The following TUBGCP4 variants were observed in gnomAD, a reference collection of about 807,000 sequenced individuals.
TUBGCP4 encodes tubulin gamma complex component 4.
TUBGCP4 carries 54 observed loss-of-function variants against 91.6 expected under a neutral mutation model. The ratio of observed to expected loss-of-function variants is 0.59; its 90% CI spans 0.47 to 0.74. The LOEUF (loss-of-function observed/expected upper bound fraction) is 0.74, where lower values mean the gene tolerates loss of function less well. Among genes scored for constraint, TUBGCP4 ranks in the 30% least tolerant of loss-of-function variants. The pLI is 0.00. For missense variants in TUBGCP4, 593 were observed against 800.9 expected (o/e 0.74, Z 3.13); for synonymous variants, 297 against 302.8 (o/e 0.98, Z 0.20).
At position 43,403,775 on chromosome 15, in the gene TUBGCP4, C is replaced by T. The variant is rs748313933; in HGVS notation, c.1824C>T (p.Ala608=). ...TAGGCCCACTGGATGAGCGTGGAGC[C>T]GCCCAGCTGAGCATTCTCGTGAAGG... ...QNLGPLDERG[A]AQLSILVKGF... is the part of the protein sequence containing the mutation. The change falls in exon 16 of 18, where the codon GCC becomes GCT. Residue 608 remains alanine (A), a synonymous_variant. Coordinates refer to ENST00000564079, the MANE Select transcript of TUBGCP4 (RefSeq NM_014444.5). 44 of 1,613,832 alleles carry T rather than the reference C, an allele frequency of 2.7e-5. No individual in the cohort carries two copies. In the East Asian group the frequency reaches 3.1e-4, roughly 11 times the overall value.
chr15:43,399,051 T>A, intron 13 of TUBGCP4: 2 of 880,770 alleles, frequency 2.3e-6, no homozygotes, highest in South Asian at 3.2e-5. Flanking sequence ...TCTTTATGTT[T>A]GGGTTTGTTC....
At chr15:43,398,537 G>T (rs1189782902) in intron 13 of TUBGCP4, among the ~76,000 whole-genome samples, 1 of 152,212 alleles carries the variant, frequency 6.6e-6, no homozygotes, top group Non-Finnish European at 1.5e-5. Context: ...GTTGGAATCA[G>T]TGGGAGGGCA....
At chr15:43,393,208 A>G (rs1462540293) in intron 9 of TUBGCP4, among the ~76,000 whole-genome samples, 3 of 142,772 alleles carry the variant, frequency 2.1e-5, no homozygotes, top group Non-Finnish European at 4.4e-5. Flanking sequence ...TGGCTTCCCA[A>G]TGTCTTTTTT....
rs752664194 is a variant in TUBGCP4 at position 43,403,715 on chromosome 15, C to G, written c.1764C>G (p.Leu588=). The G allele has an allele frequency of 8.1e-6, 13 of 1,613,170 alleles. No individual in the cohort carries two copies. In the South Asian group the frequency reaches 1.4e-4, roughly 18 times the overall value. Residue 588 remains leucine (L), a synonymous_variant, in exon 16 of 18, where the codon CTC becomes CTG. Coordinates refer to ENST00000564079, the MANE Select transcript of TUBGCP4 (RefSeq NM_014444.5). The stretch of plus-strand genomic sequence containing the variant: ...ACTGCCTGAATGAAATCCTAGATCT[C>G]TGTCACAGTTTTTGTTCGCTGGTCA... ...VFHCLNEILD[L]CHSFCSLVSQ...
chr15:43,402,008 C>T, intron 15 of TUBGCP4, 158 bp downstream of exon 15: 1 of 932,374 alleles, frequency 1.1e-6, no homozygotes, highest in Non-Finnish European at 1.5e-6. Context: ...CATGGTGGCT[C>T]ATGCCTGTAA....
At chr15:43,387,340 A>T (rs7173990) in intron 9 of TUBGCP4, among the ~76,000 whole-genome samples, 1 of 152,220 alleles carries the variant, frequency 6.6e-6, no homozygotes, top group African/African-American at 2.4e-5. Flanking sequence ...TCTGTGGCTT[A>T]TATTAACATT....
At chr15:43,371,731 A>G (rs985631434) in intron 1 of TUBGCP4, among the ~76,000 whole-genome samples, 1 of 152,116 alleles carries the variant, frequency 6.6e-6, no homozygotes, top group East Asian at 1.9e-4. Flanking sequence ...GAAGTGTGGG[A>G]GGCACTTTCT....
chr15:43,390,452 A>G (rs1173401637), intron 9 of TUBGCP4, among the ~76,000 whole-genome samples: 1 of 150,192 alleles, frequency 6.7e-6, no homozygotes, highest in Non-Finnish European at 1.5e-5. Context: ...ATTTCTTTTT[A>G]TTGTTTAGTC....
At position 43,374,449 on chromosome 15, in the gene TUBGCP4, A is replaced by G. The variant is rs143304517; in HGVS notation, c.79-1649A>G. ...CAGAGCAAGACTCCATCTCTACAAA[A>G]AAAAAATTTTTAATTAGCTGGGCAT... On this transcript the variant is annotated intron_variant, in intron 1 of 17. Transcript: ENST00000564079. Among the ~76,000 whole-genome samples the G allele has an allele frequency of 3.2e-3, 494 of 152,202 alleles. 2 individuals are homozygous for G. Among genetic ancestry groups the G allele is most frequent in the Non-Finnish European group, 5.7e-3 (389 of 68,000 alleles).
intron 13 of TUBGCP4, among the ~76,000 whole-genome samples, chr15:43,399,562 T>A (rs2044633526): frequency 6.6e-6 from 1 of 152,206 alleles, no homozygotes; most frequent in Non-Finnish European, 1.5e-5. Context: ...CTCAGGCTGG[T>A]CTTGAACCCC....
chr15:43,390,687 T>G (rs898031135), intron 9 of TUBGCP4, among the ~76,000 whole-genome samples: 1 of 152,044 alleles, frequency 6.6e-6, no homozygotes, highest in African/African-American at 2.4e-5. Context: ...TTTTGTATTT[T>G]TAGTACAGAT....
In TUBGCP4 at chr15:43,395,035, G is replaced by C. The variant is rs2044557893; in HGVS notation, c.1015-72G>C. On this transcript the variant is annotated intron_variant, in intron 9 of 17. Coordinates refer to ENST00000564079, the MANE Select transcript of TUBGCP4 (RefSeq NM_014444.5). ...CTTCTTTTAATACATTGCTGGATTTGTATGGAACCATTCTTTGCAGGAGTT... is the reference window on the plus strand; with the variant it reads ...CTTCTTTTAATACATTGCTGGATTTCTATGGAACCATTCTTTGCAGGAGTT... The C allele has an allele frequency of 5.9e-6, 9 of 1,527,654 alleles. No individual in the cohort carries two copies. The Admixed American group carries it at 1.0e-4, about 17-fold the overall frequency. 94.6% of individuals were successfully genotyped at this position (1,527,654 alleles called of 1,614,324 possible).
chr15:43,381,754 A>G (rs2044288448), intron 6 of TUBGCP4, among the ~76,000 whole-genome samples: 1 of 152,176 alleles, frequency 6.6e-6, no homozygotes. Flanking sequence ...AAAAAAAACC[A>G]ACCAAACGCT....
At position 43,408,022 on chromosome 15, in the gene TUBGCP4, G is replaced by A. The variant is rs760986233; in HGVS notation, c.*2808G>A. The A allele has an allele frequency of 4.5e-5, 72 of 1,613,984 alleles. 2 individuals are homozygous for A. The Admixed American group carries it at 8.7e-4, about 19-fold the overall frequency. On this transcript the variant is annotated 3_prime_UTR_variant, in exon 18 of 18. Transcript: ENST00000564079. ...TGAGGATCTCAGACCAGAGCTCCAGGAAGTTCTGCTGTTGGTCTGATACCA... is the reference window on the plus strand; with the variant it reads ...TGAGGATCTCAGACCAGAGCTCCAGAAAGTTCTGCTGTTGGTCTGATACCA...
chr15:43,374,489 G>C (rs977702904), intron 1 of TUBGCP4, among the ~76,000 whole-genome samples: 2 of 152,110 alleles, frequency 1.3e-5, no homozygotes, highest in Non-Finnish European at 2.9e-5. Context: ...ACACATGCCT[G>C]TAGTCCTAGC....
At chr15:43,389,933 C>T (rs1324881038) in intron 9 of TUBGCP4, among the ~76,000 whole-genome samples, 1 of 151,666 alleles carries the variant, frequency 6.6e-6, no homozygotes. Flanking sequence ...TAAAGTAAAT[C>T]ACCCCTTTAT....
At chr15:43,374,456 T>G (rs560260729) in intron 1 of TUBGCP4, among the ~76,000 whole-genome samples, 1 of 151,614 alleles carries the variant, frequency 6.6e-6, no homozygotes, top group Non-Finnish European at 1.5e-5. Flanking sequence ...AAAAAAAAAA[T>G]TTTTAATTAG....
At chr15:43,400,301 A>T in intron 14 of TUBGCP4, 80 bp downstream of exon 14, 1 of 1,137,436 alleles carries the variant, frequency 8.8e-7, no homozygotes, top group Non-Finnish European at 1.2e-6. Context: ...AATAGGGACT[A>T]CAAGTTTCTA....
intron 9 of TUBGCP4, among the ~76,000 whole-genome samples, chr15:43,393,701 G>T (rs1566898179): frequency 6.6e-6 from 1 of 151,994 alleles, no homozygotes; most frequent in Non-Finnish European, 1.5e-5. Context: ...GCGGTGTTTG[G>T]TTTTTTGTCC....
Sources: allele counts gnomAD v4.1 joint callset (sites outside exome capture counted in the v4.1 genomes callset), GRCh38; gene constraint gnomAD v4.1.1; transcripts MANE v1.5; gene names NCBI Gene and HGNC (gene_info 2026-07-23, HGNC 2026-07-21).